SORCS2: variants seen among roughly 807,000 people sequenced by gnomAD.
The protein encoded by SORCS2 is sortilin related VPS10 domain containing receptor 2, also known as VPS10 domain-containing receptor SorCS2.
A neutral mutation model predicts 141.6 loss-of-function variants in SORCS2; 100 were observed. The ratio of observed to expected loss-of-function variants is 0.71; its 90% CI spans 0.60 to 0.83. The LOEUF (loss-of-function observed/expected upper bound fraction) is 0.83. Among genes scored for constraint, SORCS2 ranks in the 40% least tolerant of loss-of-function variants. SORCS2 has a pLI of 0.00. For missense variants in SORCS2, 1,646 were observed against 1,560.2 expected (o/e 1.05, Z -0.93); for synonymous variants, 789 against 676.9 (o/e 1.17, Z -2.57).
intron 25 of SORCS2, 91 bp downstream of exon 25, chr4:7,734,465 C>T: frequency 1.1e-6 from 1 of 886,622 alleles, no homozygotes; most frequent in South Asian, 1.8e-5. Flanking sequence ...CTAGAAAGGG[C>T]CCCAGCAGGG....
chr4:7,257,206 C>T (rs1713949182), intron 1 of SORCS2, among the ~76,000 whole-genome samples: 1 of 152,086 alleles, frequency 6.6e-6, no homozygotes, highest in Non-Finnish European at 1.5e-5. Flanking sequence ...AGATGGTGGC[C>T]TCTCCAGGCC....
chr4:7,708,414 G>A (rs780114227), intron 14 of SORCS2, among the ~76,000 whole-genome samples: 16 of 152,172 alleles, frequency 1.1e-4, no homozygotes, highest in Admixed American at 2.0e-4. Flanking sequence ...AGAAGGCGAG[G>A]GCCCCCTTCA....
intron 2 of SORCS2, chr4:7,434,321 A>G: frequency 6.2e-7 from 1 of 1,611,436 alleles, no homozygotes; most frequent in East Asian, 2.2e-5. Context: ...TGCCGTACAC[A>G]GTCTTGGCAC....
At chr4:7,323,300 A>G (rs1034750941) in intron 1 of SORCS2, among the ~76,000 whole-genome samples, 4 of 152,226 alleles carry the variant, frequency 2.6e-5, no homozygotes, top group African/African-American at 9.6e-5. Context: ...GATTGGTTAC[A>G]GTAGTCCTGC....
At chr4:7,697,158 C>T (rs573349874) in intron 11 of SORCS2, 40 bp from the exon 12 acceptor site, 408 of 1,518,090 alleles carry the variant, frequency 2.7e-4, no homozygotes, top group South Asian at 2.2e-3. Context: ...TAAAGCTGGA[C>T]GATCCTAAGG....
chr4:7,247,870 G>C (rs537446362), intron 1 of SORCS2, among the ~76,000 whole-genome samples: 1 of 152,366 alleles, frequency 6.6e-6, no homozygotes, highest in Non-Finnish European at 1.5e-5. Context: ...AGAGGCGGAA[G>C]GCCTGCACCC....
chr4:7,689,186 T>C (rs1724056115), intron 10 of SORCS2, among the ~76,000 whole-genome samples: 1 of 152,124 alleles, frequency 6.6e-6, no homozygotes, highest in Non-Finnish European at 1.5e-5. Flanking sequence ...ACCCAGGGGC[T>C]GTAGGAGTCC....
intron 2 of SORCS2, among the ~76,000 whole-genome samples, chr4:7,504,059 C>T (rs1732132832): frequency 6.6e-6 from 1 of 152,214 alleles, no homozygotes; most frequent in Non-Finnish European, 1.5e-5. Flanking sequence ...TGACCTCAAA[C>T]CCTTACAGGC....
intron 10 of SORCS2, among the ~76,000 whole-genome samples, chr4:7,688,889 C>G (rs188282722): frequency 1.3e-5 from 2 of 152,192 alleles, no homozygotes; most frequent in South Asian, 4.1e-4. Flanking sequence ...AGAGACAACC[C>G]CCTGGAGCTC....
At chr4:7,326,694 G>A (rs1017329102) in intron 1 of SORCS2, among the ~76,000 whole-genome samples, 1 of 152,254 alleles carries the variant, frequency 6.6e-6, no homozygotes, top group Non-Finnish European at 1.5e-5. Context: ...AGGGCATGAT[G>A]TCCTTTTCAC....
At chr4:7,455,830 T>C (rs919768053) in intron 2 of SORCS2, among the ~76,000 whole-genome samples, 21 of 152,108 alleles carry the variant, frequency 1.4e-4, no homozygotes, top group African/African-American at 4.8e-4. Flanking sequence ...GTTGGGGTCA[T>C]GCTCTGTACT....
chr4:7,272,607 C>T (rs957876582), intron 1 of SORCS2, among the ~76,000 whole-genome samples: 2 of 152,236 alleles, frequency 1.3e-5, no homozygotes, highest in African/African-American at 4.8e-5. Flanking sequence ...GAGGTGAGAC[C>T]TTCCGGTTCA....
At chr4:7,499,896 G>C (rs1400083009) in intron 2 of SORCS2, among the ~76,000 whole-genome samples, 1 of 152,166 alleles carries the variant, frequency 6.6e-6, no homozygotes, top group Non-Finnish European at 1.5e-5. Flanking sequence ...GGGCCGTGAG[G>C]AGGAGGGTGC....
intron 2 of SORCS2, among the ~76,000 whole-genome samples, chr4:7,420,746 G>A (rs754594724): frequency 1.3e-5 from 2 of 152,190 alleles, no homozygotes; most frequent in Non-Finnish European, 2.9e-5. Context: ...GTGGGATTCA[G>A]GACCCACACG....
At chr4:7,582,641 AAAAT>A (rs770309836) in intron 3 of SORCS2, among the ~76,000 whole-genome samples, 3 of 151,594 alleles carry the variant, frequency 2.0e-5, no homozygotes, top group African/African-American at 4.8e-5. Flanking sequence ...GGTTTGTAAA[AAAAT>A]AAATAAATAA....
chr4:7,282,692 A>G (rs1657938907), intron 1 of SORCS2, among the ~76,000 whole-genome samples: 1 of 152,130 alleles, frequency 6.6e-6, no homozygotes, highest in South Asian at 2.1e-4. Context: ...GTTGGAGGTG[A>G]TTTGGTCCAT....
chr4:7,243,053 A>G (rs1577314760), intron 1 of SORCS2, among the ~76,000 whole-genome samples: 1 of 120,998 alleles, frequency 8.3e-6, no homozygotes, highest in East Asian at 1.9e-4. Context: ...CTGGGGGTTG[A>G]GGGTTGGCTC....
intron 1 of SORCS2, among the ~76,000 whole-genome samples, chr4:7,394,168 G>A (rs1031507696): frequency 5.9e-5 from 9 of 152,226 alleles, no homozygotes; most frequent in African/African-American, 1.2e-4. Context: ...GAAGGAGTGC[G>A]GTGGTGGTGG....
intron 1 of SORCS2, among the ~76,000 whole-genome samples, chr4:7,299,806 C>A (rs747847236): frequency 5.3e-5 from 8 of 152,316 alleles, no homozygotes; most frequent in Non-Finnish European, 1.0e-4. Context: ...CTGCAACGGA[C>A]CCCTGAGCTC....
Sources: allele counts gnomAD v4.1 joint callset (sites outside exome capture counted in the v4.1 genomes callset), GRCh38; gene constraint gnomAD v4.1.1; transcripts MANE v1.5; gene names NCBI Gene and HGNC (gene_info 2026-07-23, HGNC 2026-07-21).